GTF2H1: variants seen among roughly 807,000 people sequenced by gnomAD.
The protein encoded by GTF2H1 is BTF2 p62.
A neutral mutation model predicts 71.2 loss-of-function variants in GTF2H1; 16 were observed. The ratio of observed to expected loss-of-function variants is 0.22; its 90% CI spans 0.15 to 0.34. GTF2H1 has a LOEUF of 0.34. Ranked by LOEUF, GTF2H1 falls within the 10% of genes least tolerant of loss-of-function variation. The pLI, the probability that GTF2H1 is intolerant of heterozygous loss-of-function variation, is 1.00. For synonymous variants in GTF2H1, 215 were observed against 219.0 expected (o/e 0.98, Z 0.16); for missense variants, 498 against 648.2 (o/e 0.77, Z 2.52).
intron 7 of GTF2H1, among the ~76,000 whole-genome samples, chr11:18,342,797 G>T (rs1345569555): frequency 6.6e-6 from 1 of 152,004 alleles, no homozygotes; most frequent in Admixed American, 6.6e-5. Context: ...TTTATCTTCT[G>T]TTTAGTATCA....
chr11:18,357,904 A>T, intron 11 of GTF2H1, 48 bp from the exon 12 acceptor site: 1 of 1,170,642 alleles, frequency 8.5e-7, no homozygotes. Flanking sequence ...GGTGGCAAAA[A>T]AAAAAAAGGG....
At chr11:18,324,360 C>T (rs1001599003) in intron 1 of GTF2H1, 1 of 152,128 alleles carries the variant, frequency 6.6e-6, no homozygotes, top group African/African-American at 2.4e-5. Context: ...GAAAAAAAAT[C>T]AAAGCAAATT....
intron 1 of GTF2H1, among the ~76,000 whole-genome samples, chr11:18,325,043 T>C (rs148552915): frequency 6.6e-6 from 1 of 152,242 alleles, no homozygotes; most frequent in African/African-American, 2.4e-5. Flanking sequence ...TCAAACACTT[T>C]TGGATTGCTT....
At chr11:18,346,781 G>A (rs1477187983) in intron 7 of GTF2H1, among the ~76,000 whole-genome samples, 1 of 119,992 alleles carries the variant, frequency 8.3e-6, no homozygotes, top group African/African-American at 3.2e-5. Context: ...TGTCACCCAG[G>A]CTGGAGTGCA....
At chr11:18,362,026 G>A (rs773731526) in intron 14 of GTF2H1, among the ~76,000 whole-genome samples, 1 of 152,168 alleles carries the variant, frequency 6.6e-6, no homozygotes, top group African/African-American at 2.4e-5. Context: ...TTAACCACAG[G>A]GATGTGTTCT....
intron 9 of GTF2H1, among the ~76,000 whole-genome samples, chr11:18,349,873 C>T (rs2133978432): frequency 6.6e-6 from 1 of 152,252 alleles, no homozygotes; most frequent in South Asian, 2.1e-4. Flanking sequence ...GTTCCGAACA[C>T]TTAGATTAGC....
rs200088497 is a variant in GTF2H1, at chr11:18,336,077, T to TTTTTG, written c.347+140_347+144dup. 3 of 631,236 alleles carry TTTTTG rather than the reference T, an allele frequency of 4.8e-6. No individual in the cohort carries two copies. In the African/African-American group the frequency reaches 5.6e-5, roughly 12 times the overall value. 39.1% of individuals were successfully genotyped at this position (631,236 alleles called of 1,614,324 possible). A position where few individuals can be genotyped will look rare whatever the true frequency, so the allele number is the denominator to read the frequency against. ...TGGTTTTTTGTTGTTGTCGTTTTTG[T>TTTTTG]TTTTGTTTTGTTTGTTTGTTTGTTT... On this transcript the variant is annotated intron_variant, in intron 3 of 14. Transcript: ENST00000265963.
At chr11:18,348,139 T>TTTTG (rs4150640) in intron 9 of GTF2H1, 6,866 of 582,106 alleles carry the variant, frequency 0.012, 319 homozygotes, top group African/African-American at 0.11. Context: ...TTTTATTGTT[T>TTTTG]TTTGTTTGTT....
intron 11 of GTF2H1, among the ~76,000 whole-genome samples, chr11:18,353,494 C>T (rs549681433): frequency 6.6e-6 from 1 of 152,328 alleles, no homozygotes; most frequent in Non-Finnish European, 1.5e-5. Flanking sequence ...CTTCATGCTT[C>T]CTGTGCTTCG....
At chr11:18,355,949 T>C (rs2133985371) in intron 11 of GTF2H1, among the ~76,000 whole-genome samples, 1 of 152,292 alleles carries the variant, frequency 6.6e-6, no homozygotes, top group South Asian at 2.1e-4. Flanking sequence ...GGCTCTCCTG[T>C]GTCTTTCTGA....
In GTF2H1 at chr11:18,365,987, C is replaced by T. The variant is rs1865816185; in HGVS notation, c.*118C>T. The T allele has an allele frequency of 1.5e-6, 1 of 681,232 alleles. No homozygotes were observed. The highest frequency in any genetic ancestry group is 1.8e-5 in the African/African-American group (1 of 56,024). The allele number at this position is 681,232 out of a possible 1,614,324, so 42.2% of individuals were successfully genotyped here. ...TCACAGGAGTGATAAGAAACATCTG[C>T]TCCACGCCAACTCCCAGAGCTGATG... On this transcript the variant is annotated 3_prime_UTR_variant, in exon 15 of 15. Coordinates refer to ENST00000265963, the MANE Select transcript of GTF2H1 (RefSeq NM_005316.4).
At chr11:18,362,857 G>T (rs905710464) in intron 14 of GTF2H1, among the ~76,000 whole-genome samples, 4 of 151,728 alleles carry the variant, frequency 2.6e-5, no homozygotes, top group African/African-American at 9.7e-5. Flanking sequence ...TTTTAGTAGA[G>T]ACCGGGTTTC....
chr11:18,336,077 T>G, intron 3 of GTF2H1, 131 bp downstream of exon 3: 1 of 631,304 alleles, frequency 1.6e-6, no homozygotes, highest in Non-Finnish European at 2.7e-6. Context: ...GTCGTTTTTG[T>G]TTTTGTTTTG....
At chr11:18,350,777 A>G (rs1477722468) in intron 9 of GTF2H1, among the ~76,000 whole-genome samples, 1 of 152,224 alleles carries the variant, frequency 6.6e-6, no homozygotes, top group Non-Finnish European at 1.5e-5. Context: ...AGAGGATGAA[A>G]TATTTCAAGG....
chr11:18,365,831 C>T lies in GTF2H1; in HGVS notation c.1609C>T (p.His537Tyr), dbSNP rs1184600139. 1 of 1,613,854 alleles carries T rather than the reference C, an allele frequency of 6.2e-7. No individual in the cohort carries two copies. The highest frequency in any genetic ancestry group is 1.7e-5 in the Admixed American group (1 of 59,992). Residue 537 changes from histidine to tyrosine, a missense_variant, in exon 15 of 15, where the codon CAC becomes TAC. By Grantham distance (83) the His-to-Tyr change is moderately conservative (BLOSUM62 2). Coordinates refer to ENST00000265963, the MANE Select transcript of GTF2H1 (RefSeq NM_005316.4). The part of the protein sequence containing the change: ...EMLQTAYNKL[H>Y]TWQSRRLMKK... ...GCTCCAGACAGCCTACAACAAGCTCCACACATGGCAGTCACGGCGTCTGAT... is the reference window on the plus strand; with the variant it reads ...GCTCCAGACAGCCTACAACAAGCTCTACACATGGCAGTCACGGCGTCTGAT...
chr11:18,337,682 A>G (rs1565008106), intron 3 of GTF2H1, among the ~76,000 whole-genome samples: 1 of 133,288 alleles, frequency 7.5e-6, no homozygotes, highest in Admixed American at 7.4e-5. Flanking sequence ...ACAAATAGTT[A>G]TTATTATAAG....
intron 9 of GTF2H1, chr11:18,351,484 A>G (rs1159555303): frequency 6.6e-6 from 1 of 152,378 alleles, no homozygotes; most frequent in Non-Finnish European, 1.5e-5. Context: ...AAAAACACCA[A>G]ACTGGAAGAT....
intron 14 of GTF2H1, among the ~76,000 whole-genome samples, chr11:18,361,819 A>T (rs559421975): frequency 1.3e-5 from 2 of 152,348 alleles, no homozygotes; most frequent in Non-Finnish European, 2.9e-5. Context: ...CCTGGGTTCT[A>T]TTTGGCATCA....
chr11:18,338,232 A>G lies in GTF2H1; in HGVS notation c.471A>G (p.Thr157=). The change falls in exon 4 of 15, where the codon ACA becomes ACG. Residue 157 remains threonine (T), a synonymous_variant. Transcript: ENST00000265963. ...TGAATGCAACAGATAGTTCTTCCACATCCAATCATAAGCAGGATGTTGGCA... is the reference window on the plus strand; with the variant it reads ...TGAATGCAACAGATAGTTCTTCCACGTCCAATCATAAGCAGGATGTTGGCA... ...LNVNATDSSS[T]SNHKQDVGIS... 1 of 1,611,060 alleles carries G rather than the reference A, an allele frequency of 6.2e-7. No homozygotes were observed. Among genetic ancestry groups the G allele is most frequent in the Non-Finnish European group, 8.5e-7 (1 of 1,177,166 alleles).
Sources: gnomAD v4.1 joint callset for allele counts (sites outside exome capture counted in the v4.1 genomes callset) on GRCh38, gnomAD v4.1.1 for gene constraint, MANE v1.5 for transcripts, NCBI Gene and HGNC (gene_info 2026-07-23, HGNC 2026-07-21) for gene names.